Variants in AP3S2 observed in about 807,000 individuals in gnomAD.
AP3S2 encodes the protein AP-3 complex subunit sigma-2.
In AP3S2, 22 loss-of-function variants were observed where a neutral mutation model predicts 23.4. That is an observed-to-expected ratio of 0.94 (90% CI 0.67 to 1.34). The LOEUF (loss-of-function observed/expected upper bound fraction) is 1.34, where lower values mean the gene tolerates loss of function less well. AP3S2 is among the 40% of genes most tolerant of loss of function. The pLI is 0.00. For synonymous variants in AP3S2, 86 were observed against 87.1 expected, an observed-to-expected ratio of 0.99 and a Z score of 0.07; for missense variants, 241 against 236.9, an observed-to-expected ratio of 1.02 and a Z score of -0.11.
Position 89,888,755 on chromosome 15 carries a change from C to T in AP3S2, c.162-123G>A, listed in dbSNP as rs1896754640. The T allele has an allele frequency of 3.6e-6, 4 of 1,109,630 alleles. No individual in the cohort carries two copies. The African/African-American group carries it at 6.3e-5, about 18-fold the overall frequency. 68.7% of individuals were successfully genotyped at this position (1,109,630 alleles called of 1,614,324 possible). A position where few individuals can be genotyped will look rare whatever the true frequency, so the allele number is the denominator to read the frequency against. ...AGAAGGCCAAACGCTAGAAGCAGGCCATTCTTACTAGGTGAATGGCAACCA... is the reference window on the plus strand; with the variant it reads ...AGAAGGCCAAACGCTAGAAGCAGGCTATTCTTACTAGGTGAATGGCAACCA... On this transcript the variant is annotated intron_variant, in intron 2 of 5. Coordinates refer to ENST00000336418, the MANE Select transcript of AP3S2 (RefSeq NM_005829.5).
chr15:89,838,796 A>G (rs1895256446), intron 4 of AP3S2, among the ~76,000 whole-genome samples: 1 of 152,166 alleles, frequency 6.6e-6, no homozygotes, highest in Admixed American at 6.5e-5. Context: ...CTCTGACATT[A>G]GAGAGGTAGG....
intron 3 of AP3S2, among the ~76,000 whole-genome samples, chr15:89,887,964 C>G (rs913789169): frequency 6.6e-6 from 1 of 152,166 alleles, no homozygotes; most frequent in African/African-American, 2.4e-5. Flanking sequence ...AGCCTATAAG[C>G]CCATAGGTGG....
intron 4 of AP3S2, among the ~76,000 whole-genome samples, chr15:89,860,189 G>C (rs1895979981): frequency 6.6e-6 from 1 of 152,134 alleles, no homozygotes; most frequent in Non-Finnish European, 1.5e-5. Context: ...TACCTGCCTA[G>C]AATATGTCCT....
In AP3S2 at chr15:89,886,126, G is replaced by A. The variant is rs369993899; in HGVS notation, c.273+2395C>T. ...AGCACTTTGGGAGGCCGAGGCGGGC[G>A]GATCACAAGGTCAGGATATCGAGAC... On this transcript the variant is annotated intron_variant, in intron 3 of 5. Transcript: ENST00000336418. Among the ~76,000 whole-genome samples the A allele has an allele frequency of 6.6e-5, 10 of 152,110 alleles. No homozygotes were observed. The East Asian group carries it at 7.7e-4, about 12-fold the overall frequency.
intron 1 of AP3S2, chr15:89,889,443 CAAAGTCAGA>C (rs113227118): frequency 0.24 from 66,979 of 276,920 alleles, 8,939 homozygotes; most frequent in Non-Finnish European, 0.28. Flanking sequence ...AACTCTCATA[CAAAGTCAGA>C]GAATAACTGG....
At chr15:89,840,117 G>A (rs919683382) in intron 4 of AP3S2, among the ~76,000 whole-genome samples, 3 of 152,160 alleles carry the variant, frequency 2.0e-5, no homozygotes, top group Non-Finnish European at 2.9e-5. Context: ...AAGATGAAGA[G>A]CTCTGGAGAC....
chr15:89,859,215 CTCTTTCTTTCTTTCCT>C (rs1162624514), intron 4 of AP3S2, among the ~76,000 whole-genome samples: 2 of 149,952 alleles, frequency 1.3e-5, no homozygotes, highest in Non-Finnish European at 1.5e-5. Flanking sequence ...TGCTTCCTTT[CTCTTTCTTTCTTTCCT>C]TCTTTCTTTC....
At chr15:89,871,204 A>G (rs1169696640) in intron 4 of AP3S2, among the ~76,000 whole-genome samples, 1 of 152,222 alleles carries the variant, frequency 6.6e-6, no homozygotes, top group African/African-American at 2.4e-5. Flanking sequence ...CAGTGACATC[A>G]TTCTCCTATA....
At position 89,871,485 on chromosome 15, in the gene AP3S2, T is replaced by G. The variant is rs753501097; in HGVS notation, c.335A>C (p.His112Pro). The change falls in exon 4 of 6, where the codon CAT (histidine) becomes CCT (proline). Residue 112 changes from histidine (H) to proline (P), a missense_variant. By Grantham distance (77) the His-to-Pro change is moderately conservative. Coordinates refer to ENST00000336418, the MANE Select transcript of AP3S2 (RefSeq NM_005829.5). ...TGCAAGAGAATATACCTTATCCATA[T>G]GGAAGATCAAATCCAATTCACACAC... ...ENVCELDLIF[H>P]MDKVHYILQE... 10 of 1,613,548 alleles carry G rather than the reference T, an allele frequency of 6.2e-6. No homozygotes were observed. The Admixed American group carries it at 1.7e-4, about 27-fold the overall frequency.
At chr15:89,889,856 T>G (rs1471113446) in intron 1 of AP3S2, among the ~76,000 whole-genome samples, 3 of 96,308 alleles carry the variant, frequency 3.1e-5, no homozygotes, top group African/African-American at 4.3e-5. Context: ...AGAGTGAGAC[T>G]CCATCTCAAA....
intron 4 of AP3S2, among the ~76,000 whole-genome samples, chr15:89,859,300 CTTCCTTCCTTCCT>C (rs777227049): frequency 5.8e-5 from 8 of 136,968 alleles, no homozygotes; most frequent in South Asian, 2.4e-4. Flanking sequence ...TTTTCTTTTT[CTTCCTTCCTTCCT>C]TTCCTTCCTT....
chr15:89,841,726 T>A (rs184275630), intron 4 of AP3S2, among the ~76,000 whole-genome samples: 1 of 152,204 alleles, frequency 6.6e-6, no homozygotes, highest in East Asian at 1.9e-4. Context: ...AGGGAACAAC[T>A]GTAGCTAGCC....
intron 3 of AP3S2, among the ~76,000 whole-genome samples, chr15:89,887,651 C>T (rs1053592404): frequency 4.6e-5 from 7 of 150,670 alleles, no homozygotes; most frequent in Non-Finnish European, 8.8e-5. Context: ...CATGAGCCAC[C>T]GCACCCGGCC....
At chr15:89,849,527 C>T (rs777612419) in intron 4 of AP3S2, among the ~76,000 whole-genome samples, 3 of 151,936 alleles carry the variant, frequency 2.0e-5, no homozygotes, top group South Asian at 2.1e-4. Flanking sequence ...CCACCACGCC[C>T]GGCTAATTTT....
Position 89,833,826 on chromosome 15 carries a change from A to T in AP3S2, c.*1689T>A, listed in dbSNP as rs1294341202. 1 of 152,214 alleles carries T rather than the reference A, an allele frequency of 6.6e-6. No homozygotes were observed. The highest frequency in any genetic ancestry group is 1.5e-5 in the Non-Finnish European group (1 of 68,068). The allele number at this position is 152,214 out of a possible 1,614,324, so 9.4% of individuals were successfully genotyped here. ...TGAGCAGTGGGCACAAACCACAGGG[A>T]GCGCTGTTCAAAAATGGAAAACAAG... On this transcript the variant is annotated 3_prime_UTR_variant, in exon 6 of 6. Transcript: ENST00000336418.
intron 4 of AP3S2, chr15:89,852,362 T>C (rs1895678269): frequency 6.6e-6 from 1 of 152,244 alleles, no homozygotes; most frequent in Non-Finnish European, 1.5e-5. Context: ...TTGACCAACC[T>C]CTTTCCCAGT....
At chr15:89,874,426 G>A (rs572077839) in intron 3 of AP3S2, among the ~76,000 whole-genome samples, 2 of 152,226 alleles carry the variant, frequency 1.3e-5, no homozygotes, top group Non-Finnish European at 2.9e-5. Context: ...TATTTCACCT[G>A]GGTGCAGTCT....
At chr15:89,858,331 G>C (rs1371432645) in intron 4 of AP3S2, among the ~76,000 whole-genome samples, 2 of 151,848 alleles carry the variant, frequency 1.3e-5, no homozygotes, top group Middle Eastern at 3.2e-3. Context: ...ATCCCAGCTA[G>C]GCAGGAGGCT....
chr15:89,874,490 T>C (rs377090687), intron 3 of AP3S2, among the ~76,000 whole-genome samples: 2 of 152,152 alleles, frequency 1.3e-5, no homozygotes, highest in Admixed American at 1.3e-4. Context: ...AGTATAATAC[T>C]AAGGCTGGGT....
Sources: gnomAD v4.1 joint callset for allele counts (sites outside exome capture counted in the v4.1 genomes callset) on GRCh38, gnomAD v4.1.1 for gene constraint, MANE v1.5 for transcripts, NCBI Gene and HGNC (gene_info 2026-07-23, HGNC 2026-07-21) for gene names.